EPHB1: variants seen among roughly 807,000 people sequenced by gnomAD.
EPHB1 encodes the protein ephrin type-B receptor 1.
EPHB1 carries 30 observed loss-of-function variants against 94.4 expected under a neutral mutation model. The observed-to-expected ratio is 0.32, with a 90% confidence interval of 0.24 to 0.43. EPHB1 has a LOEUF of 0.43. Ranked by LOEUF, EPHB1 falls within the 20% of genes least tolerant of loss-of-function variation. The probability of loss-of-function intolerance (pLI) is 1.00; values close to 1 mark genes in which losing one functional copy is unlikely to be tolerated. For missense variants in EPHB1, 1,055 were observed against 1,308.3 expected (o/e 0.81, Z 2.99); for synonymous variants, 522 against 489.1 (o/e 1.07, Z -0.89).
Position 134,832,899 on chromosome 3 carries a change from G to A in EPHB1, c.58+37210G>A, listed in dbSNP as rs139239233. On this transcript the variant is annotated intron_variant, in intron 1 of 15. Coordinates refer to ENST00000398015, the MANE Select transcript of EPHB1 (RefSeq NM_004441.5). ...TGCAATTCAGTGTATTTAATGTTGC[G>A]TTCAATCACTCACGGTTTATGTGAT... 1.0e-3 allele frequency among the ~76,000 whole-genome samples: 156 copies of A among 152,350 alleles called. 1 individual carries two copies. The highest frequency in any genetic ancestry group is 3.5e-3 in the African/African-American group (145 of 41,582).
At chr3:135,251,845 A>G (rs188416764) in intron 15 of EPHB1, among the ~76,000 whole-genome samples, 1 of 152,314 alleles carries the variant, frequency 6.6e-6, no homozygotes, top group African/African-American at 2.4e-5. Flanking sequence ...TGCTGGGTTC[A>G]GGGGGCTTTA....
At position 134,893,929 on chromosome 3, in the gene EPHB1, G is replaced by A. The variant is rs537591321; in HGVS notation, c.59-31887G>A. Among the ~76,000 whole-genome samples, 94 of 152,338 alleles carry A rather than the reference G, an allele frequency of 6.2e-4. 1 individual carries two copies. The highest frequency in any genetic ancestry group is 2.2e-3 in the African/African-American group (90 of 41,566). On this transcript the variant is annotated intron_variant, in intron 1 of 15. Coordinates refer to ENST00000398015, the MANE Select transcript of EPHB1 (RefSeq NM_004441.5). ...GTGGCCAAACTGTGGACCCAACTGA[G>A]CAAATGAAGGCAGGAATGAATGCCA... is the stretch of plus-strand genomic sequence containing the variant.
At chr3:135,032,833 A>G in intron 3 of EPHB1, among the ~76,000 whole-genome samples, 1 of 152,212 alleles carries the variant, frequency 6.6e-6, no homozygotes, top group Non-Finnish European at 1.5e-5. Flanking sequence ...TTCCAGTGAC[A>G]AAGAAGCTCA....
chr3:135,142,546 C>T (rs1260843687), intron 5 of EPHB1, among the ~76,000 whole-genome samples: 1 of 152,134 alleles, frequency 6.6e-6, no homozygotes, highest in Non-Finnish European at 1.5e-5. Flanking sequence ...AAGGAGAAGG[C>T]AGATGCATTG....
At chr3:135,165,729 C>T (rs904691814) in intron 7 of EPHB1, among the ~76,000 whole-genome samples, 5 of 152,212 alleles carry the variant, frequency 3.3e-5, no homozygotes, top group Non-Finnish European at 4.4e-5. Context: ...ATGTCATCAG[C>T]TATAGTTCCC....
intron 3 of EPHB1, among the ~76,000 whole-genome samples, chr3:134,995,226 T>C (rs575753137): frequency 1.3e-5 from 2 of 152,368 alleles, no homozygotes; most frequent in African/African-American, 2.4e-5. Context: ...AATGGAATCA[T>C]ATGGTATGTT....
At chr3:134,868,886 C>T (rs2037439859) in intron 1 of EPHB1, among the ~76,000 whole-genome samples, 1 of 152,224 alleles carries the variant, frequency 6.6e-6, no homozygotes, top group South Asian at 2.1e-4. Context: ...TCGTGCTGTG[C>T]CCACTGCCAT....
intron 13 of EPHB1, among the ~76,000 whole-genome samples, chr3:135,244,937 C>T (rs1391629303): frequency 6.6e-6 from 1 of 152,144 alleles, no homozygotes; most frequent in Non-Finnish European, 1.5e-5. Context: ...CCCAGATTAT[C>T]AGCTCAAGTA....
At chr3:134,866,034 C>T (rs1578150969) in intron 1 of EPHB1, among the ~76,000 whole-genome samples, 1 of 152,170 alleles carries the variant, frequency 6.6e-6, no homozygotes, top group African/African-American at 2.4e-5. Flanking sequence ...GGGGGTCACC[C>T]TGAGCTAAGG....
At chr3:134,929,767 G>C (rs562152519) in intron 2 of EPHB1, among the ~76,000 whole-genome samples, 1 of 152,176 alleles carries the variant, frequency 6.6e-6, no homozygotes. Flanking sequence ...GGGTGAAGAG[G>C]CTCTGAGTGG....
intron 12 of EPHB1, among the ~76,000 whole-genome samples, chr3:135,213,687 C>A (rs1017613430): frequency 2.6e-5 from 4 of 152,212 alleles, no homozygotes; most frequent in East Asian, 3.9e-4. Context: ...CTCTGGATAG[C>A]AGCTTTATGC....
chr3:134,837,972 C>A (rs2036705514), intron 1 of EPHB1, among the ~76,000 whole-genome samples: 1 of 152,114 alleles, frequency 6.6e-6, no homozygotes, highest in Non-Finnish European at 1.5e-5. Context: ...CTGGATGGAC[C>A]TTATGAATAG....
intron 1 of EPHB1, among the ~76,000 whole-genome samples, chr3:134,826,191 G>T (rs1430765476): frequency 1.4e-5 from 2 of 147,506 alleles, no homozygotes; most frequent in African/African-American, 5.1e-5. Context: ...GGTGGAGGTT[G>T]CAGTGAGCTG....
At chr3:135,156,280 G>A (rs1941352423) in intron 6 of EPHB1, among the ~76,000 whole-genome samples, 1 of 152,050 alleles carries the variant, frequency 6.6e-6, no homozygotes, top group Non-Finnish European at 1.5e-5. Context: ...TATCCACCTG[G>A]GAGTTGTCAG....
chr3:135,185,076 A>G (rs1487202405), intron 10 of EPHB1, among the ~76,000 whole-genome samples: 1 of 152,262 alleles, frequency 6.6e-6, no homozygotes, highest in Non-Finnish European at 1.5e-5. Context: ...AAGACATGCC[A>G]TTTGTATTTT....
intron 1 of EPHB1, among the ~76,000 whole-genome samples, chr3:134,877,317 C>T (rs1277915279): frequency 6.6e-6 from 1 of 152,148 alleles, no homozygotes; most frequent in African/African-American, 2.4e-5. Flanking sequence ...AATCCAATAG[C>T]ACAATATTGT....
At chr3:135,100,489 C>T (rs551419346) in intron 3 of EPHB1, among the ~76,000 whole-genome samples, 1 of 152,248 alleles carries the variant, frequency 6.6e-6, no homozygotes, top group South Asian at 2.1e-4. Context: ...AGTGGTTATT[C>T]CCTCTTGCTT....
chr3:135,113,419 G>A (rs1939545345), intron 4 of EPHB1, among the ~76,000 whole-genome samples: 1 of 152,192 alleles, frequency 6.6e-6, no homozygotes, highest in African/African-American at 2.4e-5. Flanking sequence ...TAACATGTTT[G>A]TTTCAGAATT....
intron 3 of EPHB1, among the ~76,000 whole-genome samples, chr3:135,013,997 C>T (rs180940194): frequency 8.5e-5 from 13 of 152,068 alleles, no homozygotes; most frequent in Middle Eastern, 3.4e-3. Flanking sequence ...CTGCTTGAGT[C>T]GGGAGCCATG....
Sources: gnomAD v4.1 joint callset for allele counts (sites outside exome capture counted in the v4.1 genomes callset) on GRCh38, gnomAD v4.1.1 for gene constraint, MANE v1.5 for transcripts, NCBI Gene and HGNC (gene_info 2026-07-23, HGNC 2026-07-21) for gene names.